Variants in PDE7B observed in about 807,000 individuals in gnomAD.
PDE7B encodes the protein 3',5'-cyclic-AMP phosphodiesterase 7B.
In PDE7B, 29 loss-of-function variants were observed where a neutral mutation model predicts 56.2. That is an observed-to-expected ratio of 0.52 (90% CI 0.38 to 0.70). The LOEUF (loss-of-function observed/expected upper bound fraction) is 0.70, where lower values mean the gene tolerates loss of function less well. PDE7B is among the 30% of genes least tolerant of loss of function. The pLI, the probability that PDE7B is intolerant of heterozygous loss-of-function variation, is 0.00. For missense variants in PDE7B, 490 were observed against 565.0 expected, an observed-to-expected ratio of 0.87 and a Z score of 1.35; for synonymous variants, 197 against 196.9, an observed-to-expected ratio of 1.00 and a Z score of 0.00.
At chr6:135,887,140 G>A (rs193271501) in intron 1 of PDE7B, among the ~76,000 whole-genome samples, 28 of 152,132 alleles carry the variant, frequency 1.8e-4, no homozygotes, top group Admixed American at 1.6e-3. Context: ...TTTTTCATAT[G>A]TTTGTTGGCT....
At chr6:135,855,158 T>C (rs1243518580) in intron 1 of PDE7B, among the ~76,000 whole-genome samples, 18 of 152,222 alleles carry the variant, frequency 1.2e-4, no homozygotes. Flanking sequence ...GGGTTATCTC[T>C]AACATCCATT....
In PDE7B at chr6:135,967,847, G is replaced by A. The variant is rs1775023808; in HGVS notation, c.82+20323G>A. ...AGCACATAATAGATATCCACAAGGGGCCAGCGCCACTTGGGCAGGACCTGA... is the reference window on the plus strand; with the variant it reads ...AGCACATAATAGATATCCACAAGGGACCAGCGCCACTTGGGCAGGACCTGA... On this transcript the variant is annotated intron_variant, in intron 2 of 12. Coordinates refer to ENST00000308191, the MANE Select transcript of PDE7B (RefSeq NM_018945.4). Among the ~76,000 whole-genome samples the A allele has an allele frequency of 1.3e-5, 2 of 152,292 alleles. 1 individual carries two copies. The highest frequency in any genetic ancestry group is 6.8e-3 in the Middle Eastern group (2 of 294).
rs116812299 is a variant in PDE7B, at chr6:135,942,477, A to G, written c.22-4987A>G. On this transcript the variant is annotated intron_variant, in intron 1 of 12. Coordinates refer to ENST00000308191, the MANE Select transcript of PDE7B (RefSeq NM_018945.4). ...AATCAACATATGCCTTACCTCACAT[A>G]CTTAATGTTTTGTGGTGAGAATACC... 6.7e-3 allele frequency among the ~76,000 whole-genome samples: 1,017 copies of G among 152,262 alleles called. 13 individuals carry two copies. Among genetic ancestry groups the G allele is most frequent in the African/African-American group, 0.023 (974 of 41,560 alleles).
chr6:135,989,449 A>T (rs1395506644), intron 2 of PDE7B, among the ~76,000 whole-genome samples: 2 of 152,162 alleles, frequency 1.3e-5, no homozygotes, highest in Non-Finnish European at 1.5e-5. Flanking sequence ...CCCTGTCTCT[A>T]CTAAAAATAC....
At chr6:135,956,478 C>T (rs1480641176) in intron 2 of PDE7B, among the ~76,000 whole-genome samples, 4 of 152,034 alleles carry the variant, frequency 2.6e-5, no homozygotes, top group Admixed American at 2.0e-4. Context: ...ACTCCTCTGT[C>T]AAGAAATTGG....
At chr6:135,852,155 G>A in intron 1 of PDE7B, 136 bp downstream of exon 1, 1 of 689,530 alleles carries the variant, frequency 1.5e-6, no homozygotes. Flanking sequence ...ACAGCAACCA[G>A]CTTTTGAATT....
chr6:136,069,065 A>G (rs1445499324), intron 2 of PDE7B, among the ~76,000 whole-genome samples: 1 of 152,112 alleles, frequency 6.6e-6, no homozygotes, highest in South Asian at 2.1e-4. Context: ...GGCATGTCCA[A>G]CCACCCCTTC....
intron 2 of PDE7B, among the ~76,000 whole-genome samples, chr6:136,107,822 C>T (rs550461640): frequency 6.6e-6 from 1 of 152,156 alleles, no homozygotes; most frequent in South Asian, 2.1e-4. Context: ...AAAACGAACA[C>T]AGATATTAAA....
At position 135,967,568 on chromosome 6, in the gene PDE7B, G is replaced by A. The variant is rs77373806; in HGVS notation, c.82+20044G>A. 9.1e-3 allele frequency among the ~76,000 whole-genome samples: 1,380 copies of A among 152,254 alleles called. 28 individuals are homozygous for A. The highest frequency in any genetic ancestry group is 0.031 in the African/African-American group (1,287 of 41,556). Reference sequence around the variant, plus strand: ...CCTGAAATCTGTGACCTTGGATCAGGCACAACAACCTATCTGCTCTCAGGC... The same window carrying A: ...CCTGAAATCTGTGACCTTGGATCAGACACAACAACCTATCTGCTCTCAGGC... On this transcript the variant is annotated intron_variant, in intron 2 of 12. Coordinates refer to ENST00000308191, the MANE Select transcript of PDE7B (RefSeq NM_018945.4).
chr6:136,065,046 G>C (rs1776910626), intron 2 of PDE7B, among the ~76,000 whole-genome samples: 1 of 152,180 alleles, frequency 6.6e-6, no homozygotes, highest in African/African-American at 2.4e-5. Context: ...TCTAATCATT[G>C]CCAGAGCACA....
intron 3 of PDE7B, among the ~76,000 whole-genome samples, chr6:136,127,239 A>G (rs1778038403): frequency 6.6e-6 from 1 of 152,150 alleles, no homozygotes; most frequent in East Asian, 1.9e-4. Flanking sequence ...GCTCCCTTCC[A>G]TTAAATTCTG....
At chr6:135,895,887 C>T (rs1434592840) in intron 1 of PDE7B, among the ~76,000 whole-genome samples, 1 of 152,164 alleles carries the variant, frequency 6.6e-6, no homozygotes, top group Non-Finnish European at 1.5e-5. Flanking sequence ...TCCACCACCA[C>T]TGATTCCATC....
intron 12 of PDE7B, 130 bp from the exon 13 acceptor site, chr6:136,191,484 T>C (rs1779223647): frequency 1.3e-6 from 1 of 763,126 alleles, no homozygotes; most frequent in African/African-American, 1.7e-5. Flanking sequence ...CTGGCCAACA[T>C]GGGGAAACCC....
At chr6:135,875,428 A>G (rs1172028728) in intron 1 of PDE7B, among the ~76,000 whole-genome samples, 1 of 152,096 alleles carries the variant, frequency 6.6e-6, no homozygotes, top group Non-Finnish European at 1.5e-5. Flanking sequence ...AAATAAATTT[A>G]TGTGTATTTA....
chr6:136,143,638 A>G (rs1167608046), intron 3 of PDE7B, among the ~76,000 whole-genome samples: 1 of 152,130 alleles, frequency 6.6e-6, no homozygotes, highest in Non-Finnish European at 1.5e-5. Flanking sequence ...TAGGTAAGGA[A>G]TCATGCTGTT....
At chr6:136,099,922 C>A (rs1474651668) in intron 2 of PDE7B, among the ~76,000 whole-genome samples, 2 of 152,164 alleles carry the variant, frequency 1.3e-5, no homozygotes, top group Non-Finnish European at 2.9e-5. Flanking sequence ...ACATTTAAGT[C>A]TTTAATCCAT....
chr6:136,160,341 A>G (rs1183802717), intron 8 of PDE7B, among the ~76,000 whole-genome samples: 1 of 152,062 alleles, frequency 6.6e-6, no homozygotes, highest in Admixed American at 6.6e-5. Context: ...CTCCATGACC[A>G]TTTCTGATGC....
At position 136,154,095 on chromosome 6, in the gene PDE7B, C is replaced by T. The variant is rs758082688; in HGVS notation, c.499C>T (p.His167Tyr). 6.2e-7 allele frequency: 1 copy of T among 1,613,502 alleles called. No individual in the cohort carries two copies. Among genetic ancestry groups the T allele is most frequent in the South Asian group, 1.1e-5 (1 of 91,048 alleles). ...CCCAGTCATGGTTCAAGAAGATTAC[C>T]ACAGCCAAAACCCGTATCACAATGC... ...RFLVMVQEDY[H>Y]SQNPYHNAVH... The change falls in exon 7 of 13, where the codon CAC becomes TAC. Residue 167 changes from histidine to tyrosine, a missense_variant. By Grantham distance (83) the His-to-Tyr change is moderately conservative. Coordinates refer to ENST00000308191, the MANE Select transcript of PDE7B (RefSeq NM_018945.4).
chr6:135,942,279 A>G (rs921456278), intron 1 of PDE7B, among the ~76,000 whole-genome samples: 2 of 152,208 alleles, frequency 1.3e-5, no homozygotes, highest in African/African-American at 4.8e-5. Flanking sequence ...TTGCTAGAAC[A>G]TATTATTTAG....
Sources: gnomAD v4.1 joint callset for allele counts (sites outside exome capture counted in the v4.1 genomes callset) on GRCh38, gnomAD v4.1.1 for gene constraint, MANE v1.5 for transcripts, NCBI Gene and HGNC (gene_info 2026-07-23, HGNC 2026-07-21) for gene names.